ADAM12: variants seen among roughly 807,000 people sequenced by gnomAD.
The protein encoded by ADAM12 is ADAM metallopeptidase domain 12, also known as disintegrin and metalloproteinase domain-containing protein 12.
ADAM12 carries 70 observed loss-of-function variants against 106.4 expected under a neutral mutation model. That is an observed-to-expected ratio of 0.66 (90% CI 0.54 to 0.80). ADAM12 has a LOEUF of 0.80. Ranked by LOEUF, ADAM12 falls within the 30% of genes least tolerant of loss-of-function variation. The probability of loss-of-function intolerance (pLI) is 0.00; values close to 1 mark genes in which losing one functional copy is unlikely to be tolerated. For missense variants in ADAM12, 1,010 were observed against 1,171.9 expected (o/e 0.86, Z 2.02); for synonymous variants, 420 against 433.5 (o/e 0.97, Z 0.39).
At chr10:126,261,127 C>T (rs1364120909) in intron 3 of ADAM12, among the ~76,000 whole-genome samples, 1 of 152,090 alleles carries the variant, frequency 6.6e-6, no homozygotes, top group African/African-American at 2.4e-5. Context: ...TATGCAAATA[C>T]TATGCCATTT....
intron 19 of ADAM12, 21 bp downstream of exon 19, chr10:126,039,273 G>T: frequency 1.2e-6 from 2 of 1,612,730 alleles, no homozygotes; most frequent in South Asian, 2.2e-5. Context: ...TAGAACAGAT[G>T]ACAAGCTAAA....
intron 6 of ADAM12, among the ~76,000 whole-genome samples, chr10:126,117,567 A>G (rs1956006358): frequency 6.6e-6 from 1 of 152,082 alleles, no homozygotes; most frequent in Non-Finnish European, 1.5e-5. Context: ...TCTGCAAATT[A>G]TAAGAACCCA....
intron 3 of ADAM12, among the ~76,000 whole-genome samples, chr10:126,211,134 C>G (rs1312163405): frequency 6.6e-6 from 1 of 152,116 alleles, no homozygotes; most frequent in African/African-American, 2.4e-5. Context: ...CATTTGCAAC[C>G]ACAGGGTGTG....
At chr10:126,194,978 A>G (rs1177069403) in intron 3 of ADAM12, among the ~76,000 whole-genome samples, 1 of 152,166 alleles carries the variant, frequency 6.6e-6, no homozygotes, top group Non-Finnish European at 1.5e-5. Flanking sequence ...CTTTAAGCTA[A>G]GGTCGCATGA....
At chr10:126,086,182 C>T (rs1052824981) in intron 11 of ADAM12, among the ~76,000 whole-genome samples, 5 of 152,134 alleles carry the variant, frequency 3.3e-5, no homozygotes, top group African/African-American at 1.2e-4. Context: ...GGCTACCTCC[C>T]ACCTCCCAGA....
intron 2 of ADAM12, among the ~76,000 whole-genome samples, chr10:126,310,855 T>C (rs4962548): frequency 0.11 from 17,458 of 152,046 alleles, 1,239 homozygotes; most frequent in East Asian, 0.26. Flanking sequence ...GGGACCAAAA[T>C]ATGAAATTGT....
At chr10:126,135,337 T>A (rs1956384927) in intron 5 of ADAM12, 1 of 483,790 alleles carries the variant, frequency 2.1e-6, no homozygotes, top group Non-Finnish European at 3.7e-6. Context: ...GTTCAGTCGC[T>A]TTTACCCCAC....
intron 8 of ADAM12, among the ~76,000 whole-genome samples, chr10:126,107,882 A>T (rs927319735): frequency 6.6e-6 from 1 of 152,118 alleles, no homozygotes; most frequent in Non-Finnish European, 1.5e-5. Context: ...AATAGCCAAC[A>T]TCCTCTCCAG....
At chr10:126,274,676 T>C (rs1384983219) in intron 3 of ADAM12, among the ~76,000 whole-genome samples, 1 of 152,176 alleles carries the variant, frequency 6.6e-6, no homozygotes, top group Non-Finnish European at 1.5e-5. Flanking sequence ...TCCATGAAAC[T>C]GTGGGCCAGG....
chr10:126,276,599 T>C (rs1471217998), intron 3 of ADAM12, among the ~76,000 whole-genome samples: 1 of 152,208 alleles, frequency 6.6e-6, no homozygotes, highest in African/African-American at 2.4e-5. Flanking sequence ...CATCCTCTTA[T>C]TATGAAAATG....
intron 1 of ADAM12, among the ~76,000 whole-genome samples, chr10:126,364,800 G>T (rs1046438047): frequency 2.0e-5 from 3 of 152,046 alleles, no homozygotes; most frequent in African/African-American, 7.2e-5. Context: ...GCATTATTAA[G>T]AATTTAAAGA....
intron 14 of ADAM12, among the ~76,000 whole-genome samples, chr10:126,050,002 GGCTGGCTGGCTGGCTGGCT>G (rs2133439872): frequency 5.5e-5 from 2 of 36,042 alleles, no homozygotes; most frequent in South Asian, 2.4e-3. Context: ...CTGGCTGGCT[GGCTGGCTGGCTGGCTGGCT>G]GGCTGGCTGG....
chr10:126,221,440 A>C (rs1293122972), intron 3 of ADAM12, among the ~76,000 whole-genome samples: 2 of 152,092 alleles, frequency 1.3e-5, no homozygotes, highest in Admixed American at 1.3e-4. Flanking sequence ...AAAAAGAAAA[A>C]GAGGCAAAGT....
chr10:126,380,579 C>G (rs1271307078), intron 1 of ADAM12, among the ~76,000 whole-genome samples: 1 of 152,168 alleles, frequency 6.6e-6, no homozygotes, highest in Non-Finnish European at 1.5e-5. Flanking sequence ...GCGCACCGCT[C>G]CTGGCACTGA....
At chr10:126,032,821 T>G (rs1434062985) in intron 21 of ADAM12, among the ~76,000 whole-genome samples, 1 of 151,948 alleles carries the variant, frequency 6.6e-6, no homozygotes, top group Non-Finnish European at 1.5e-5. Context: ...TAAAACAAAT[T>G]AGAAAAACAA....
In ADAM12 at chr10:126,096,074, T is replaced by G. The variant is rs1452836142; in HGVS notation, c.997-1941A>C. On this transcript the variant is annotated intron_variant, in intron 10 of 22. Coordinates refer to ENST00000448723, the MANE Select transcript of ADAM12 (RefSeq NM_001288973.2). ...TACAGTAGATGAAATTCCTAATAAA[T>G]TACTTTGTTTAGATTTTAGAGTTTC... Among the ~76,000 whole-genome samples, 3 of 152,214 alleles carry G rather than the reference T, an allele frequency of 2.0e-5. No individual in the cohort carries two copies. The East Asian group carries it at 5.8e-4, about 29-fold the overall frequency.
At chr10:126,142,071 A>T (rs2133692419) in intron 4 of ADAM12, among the ~76,000 whole-genome samples, 1 of 152,320 alleles carries the variant, frequency 6.6e-6, no homozygotes, top group East Asian at 1.9e-4. Flanking sequence ...ACTCTAGGCC[A>T]GACACTTCCC....
intron 3 of ADAM12, among the ~76,000 whole-genome samples, chr10:126,246,698 A>G (rs934161525): frequency 1.3e-5 from 2 of 152,260 alleles, no homozygotes; most frequent in African/African-American, 4.8e-5. Context: ...CTCATGTTAA[A>G]AACTTTCAAT....
intron 9 of ADAM12, among the ~76,000 whole-genome samples, chr10:126,099,910 T>C (rs1329769142): frequency 2.6e-5 from 4 of 152,250 alleles, no homozygotes; most frequent in African/African-American, 4.8e-5. Context: ...TAGCACAAAG[T>C]ATTTAAAGAT....
Sources: gnomAD v4.1 joint callset for allele counts (sites outside exome capture counted in the v4.1 genomes callset) on GRCh38, gnomAD v4.1.1 for gene constraint, MANE v1.5 for transcripts, NCBI Gene and HGNC (gene_info 2026-07-23, HGNC 2026-07-21) for gene names.